The following TXLNG variants were observed in gnomAD, a reference collection of about 807,000 sequenced individuals.
TXLNG encodes the protein gamma-taxilin.
In TXLNG, 5 loss-of-function variants were observed where a neutral mutation model predicts 38.8. The ratio of observed to expected loss-of-function variants is 0.13; its 90% CI spans 0.07 to 0.27. TXLNG has a LOEUF of 0.27. Ranked by LOEUF, TXLNG falls within the 10% of genes least tolerant of loss-of-function variation. TXLNG has a pLI of 1.00. For synonymous variants in TXLNG, 182 were observed against 158.2 expected (o/e 1.15, Z -1.13); for missense variants, 393 against 398.2 (o/e 0.99, Z 0.11).
In TXLNG at chrX:16,837,473, T is replaced by C. The variant is rs770036840; in HGVS notation, c.1060-120T>C. On this transcript the variant is annotated intron_variant, in intron 7 of 9. Coordinates refer to ENST00000380122, the MANE Select transcript of TXLNG (RefSeq NM_018360.3). ...CTATGTCTGGTGTCCAAGGATTGGA[T>C]GTGCATTTGTTCGTATTTCTATCAC... 1.3e-5 allele frequency: 6 copies of C among 453,511 alleles called. No individual in the cohort carries two copies. The Admixed American group carries it at 2.7e-4, about 20-fold the overall frequency. The allele number at this position is 453,511 out of a possible 1,213,427, so 37.4% of individuals were successfully genotyped here. A position where few individuals can be genotyped will look rare whatever the true frequency, so the allele number is the denominator to read the frequency against.
At chrX:16,806,841 C>T (rs996267108) in intron 1 of TXLNG, among the ~76,000 whole-genome samples, 4 of 104,420 alleles carry the variant, frequency 3.8e-5, no homozygotes, top group Admixed American at 1.1e-4. Context: ...TGCTTGAACT[C>T]GGGAGGCGGA....
chrX:16,832,739 G>A lies in TXLNG; in HGVS notation c.981G>A (p.Glu327=). ...ATGAAAAACATCAGAGAGAGAGAGA[G>A]TTTGTAAGTTCTACTTCTTAAAAAC... The part of the protein sequence containing the change: ...EADEKHQRER[E]FLLKEATESR... The change falls in exon 6 of 10, where the codon GAG becomes GAA. Residue 327 remains glutamate (E), a synonymous_variant. Coordinates refer to ENST00000380122, the MANE Select transcript of TXLNG (RefSeq NM_018360.3). The A allele has an allele frequency of 8.4e-7, 1 of 1,184,440 alleles. No individual in the cohort carries two copies. The highest frequency in any genetic ancestry group is 1.1e-6 in the Non-Finnish European group (1 of 884,298).
chrX:16,839,890 A>G lies in TXLNG; in HGVS notation c.1222A>G (p.Lys408Glu), dbSNP rs750162217. ...GCGTACCAAATGGGAAAACAATAAT[A>G]AAGCACTTCTGCAAATGGCTGAAGA... ...IWRTKWENNN[K>E]ALLQMAEEKT... The change falls in exon 9 of 10, where the codon AAA (lysine) becomes GAA (glutamate). Residue 408 changes from lysine to glutamate, a missense_variant. Physicochemically the swap from Lys to Glu is moderately conservative, Grantham distance 56. Transcript: ENST00000380122. The G allele has an allele frequency of 2.5e-6, 3 of 1,202,726 alleles. No individual in the cohort carries two copies. The East Asian group carries it at 8.9e-5, about 36-fold the overall frequency.
At chrX:16,816,517 A>G (rs1038276076) in intron 1 of TXLNG, among the ~76,000 whole-genome samples, 7 of 112,525 alleles carry the variant, frequency 6.2e-5, no homozygotes, top group Non-Finnish European at 1.1e-4. Flanking sequence ...ACGCTTGAGA[A>G]ACATTGCTCT....
intron 1 of TXLNG, among the ~76,000 whole-genome samples, chrX:16,809,224 C>T (rs1239331024): frequency 9.0e-6 from 1 of 110,872 alleles, no homozygotes; most frequent in African/African-American, 3.3e-5. Context: ...GTCCCTTCCC[C>T]GACTGGACTC....
intron 8 of TXLNG, among the ~76,000 whole-genome samples, chrX:16,838,528 C>T (rs908133059): frequency 8.9e-6 from 1 of 112,185 alleles, no homozygotes; most frequent in Admixed American, 9.5e-5. Flanking sequence ...AAATTGGTAA[C>T]AAAAACCTGC....
intron 1 of TXLNG, among the ~76,000 whole-genome samples, chrX:16,806,718 C>T (rs768448962): frequency 5.4e-5 from 6 of 110,291 alleles, no homozygotes; most frequent in Non-Finnish European, 3.8e-5. Context: ...GAGATCAAGA[C>T]GATCCTGGTT....
intron 1 of TXLNG, among the ~76,000 whole-genome samples, chrX:16,790,559 T>C (rs1176663892): frequency 9.0e-6 from 1 of 111,595 alleles, no homozygotes; most frequent in African/African-American, 3.3e-5. Flanking sequence ...GGTTGGTATT[T>C]TTTTTCTTTA....
intron 1 of TXLNG, among the ~76,000 whole-genome samples, chrX:16,815,095 G>A (rs1928681892): frequency 9.0e-6 from 1 of 111,473 alleles, no homozygotes; most frequent in East Asian, 2.8e-4. Flanking sequence ...CATATTTTCT[G>A]GGATTGTGTG....
rs746212594 is a variant in TXLNG, at chrX:16,788,106, A to G, written c.102+1517A>G. ...GGGATTCAACACCATCACTTTGGACACTTCACTTATTCCCTAAGGGTGGAG... is the reference window on the plus strand; with the variant it reads ...GGGATTCAACACCATCACTTTGGACGCTTCACTTATTCCCTAAGGGTGGAG... On this transcript the variant is annotated intron_variant, in intron 1 of 9. Transcript: ENST00000380122. Among the ~76,000 whole-genome samples, 4 of 112,551 alleles carry G rather than the reference A, an allele frequency of 3.6e-5. No individual in the cohort carries two copies. In the South Asian group the frequency reaches 1.5e-3, roughly 41 times the overall value.
chrX:16,821,143 T>TC (rs1356725568), intron 3 of TXLNG, among the ~76,000 whole-genome samples: 9 of 93,962 alleles, frequency 9.6e-5, no homozygotes, highest in Non-Finnish European at 1.9e-4. Flanking sequence ...TTTCTTTCTT[T>TC]TTTTTTTTTT....
At chrX:16,827,154 G>A (rs781020073) in intron 3 of TXLNG, among the ~76,000 whole-genome samples, 5 of 111,029 alleles carry the variant, frequency 4.5e-5, no homozygotes, top group Admixed American at 9.6e-5. Flanking sequence ...GCTTGAACCC[G>A]GGAGGTGGAG....
chrX:16,802,068 C>G (rs1327140108), intron 1 of TXLNG, among the ~76,000 whole-genome samples: 1 of 104,632 alleles, frequency 9.6e-6, no homozygotes, highest in Admixed American at 1.1e-4. Flanking sequence ...ATTCTCCTGC[C>G]TCAGCCTCCC....
chrX:16,818,037 G>A (rs1180754249), intron 1 of TXLNG, among the ~76,000 whole-genome samples: 3 of 111,347 alleles, frequency 2.7e-5, no homozygotes, highest in Non-Finnish European at 3.8e-5. Context: ...TTGGACAGTC[G>A]TGTCCTATGC....
In TXLNG at chrX:16,844,152, C is replaced by G. The variant is rs945030294; in HGVS notation, c.*2386C>G. 1.2e-4 allele frequency: 13 copies of G among 111,826 alleles called. No individual in the cohort carries two copies. The highest frequency in any genetic ancestry group is 4.2e-4 in the African/African-American group (13 of 30,658). The allele number at this position is 111,826 out of a possible 1,213,427, so 9.2% of individuals were successfully genotyped here. ...AAACTTGGGTCTTGGGTAATATGGA[C>G]CATTTCATCCTCAGACTTGTTAGGA... is the stretch of plus-strand genomic sequence containing the variant. On this transcript the variant is annotated 3_prime_UTR_variant, in exon 10 of 10. Transcript: ENST00000380122.
chrX:16,800,394 A>G (rs1928045824), intron 1 of TXLNG, among the ~76,000 whole-genome samples: 1 of 109,609 alleles, frequency 9.1e-6, no homozygotes, highest in Non-Finnish European at 1.9e-5. Context: ...AGTTGGGACT[A>G]TACGTGTTCA....
chrX:16,801,616 TTTA>T (rs1439683103), intron 1 of TXLNG, among the ~76,000 whole-genome samples: 3 of 109,996 alleles, frequency 2.7e-5, no homozygotes, highest in Non-Finnish European at 5.6e-5. Flanking sequence ...GGTCAACTGA[TTTA>T]TTTAAAGGCA....
At chrX:16,829,821 C>T (rs1929319845) in intron 5 of TXLNG, 51 bp downstream of exon 5, 3 of 1,135,083 alleles carry the variant, frequency 2.6e-6, no homozygotes, top group East Asian at 3.0e-5. Flanking sequence ...GCAAAAGTGT[C>T]ACCATTCATA....
At chrX:16,798,624 C>T (rs946524364) in intron 1 of TXLNG, among the ~76,000 whole-genome samples, 1 of 108,070 alleles carries the variant, frequency 9.3e-6, no homozygotes, top group Non-Finnish European at 1.9e-5. Context: ...CTTGCTCTGT[C>T]GCCCAGGCTG....
Sources: allele counts gnomAD v4.1 joint callset (sites outside exome capture counted in the v4.1 genomes callset), GRCh38; gene constraint gnomAD v4.1.1; transcripts MANE v1.5; gene names NCBI Gene and HGNC (gene_info 2026-07-23, HGNC 2026-07-21).